The following CENPE variants were observed in gnomAD, a reference collection of about 807,000 sequenced individuals.
CENPE encodes the protein centromere protein E.
CENPE carries 145 observed loss-of-function variants against 336.1 expected under a neutral mutation model. That is an observed-to-expected ratio of 0.43 (90% CI 0.38 to 0.50). The LOEUF (loss-of-function observed/expected upper bound fraction) is 0.50, where lower values mean the gene tolerates loss of function less well. CENPE is among the 20% of genes least tolerant of loss of function. The pLI is 0.00. For synonymous variants in CENPE, 1,013 were observed against 984.8 expected, an observed-to-expected ratio of 1.03 and a Z score of -0.54; for missense variants, 2,719 against 3,023.3, an observed-to-expected ratio of 0.90 and a Z score of 2.36.
At chr4:103,110,730 A>C (rs1749329548) in intron 47 of CENPE, 98 bp downstream of exon 47, 1 of 778,272 alleles carries the variant, frequency 1.3e-6, no homozygotes, top group Middle Eastern at 4.1e-4. Context: ...ATAATGACTG[A>C]AGTGTTACCA....
chr4:103,175,647 C>G (rs17283077), intron 15 of CENPE, among the ~76,000 whole-genome samples: 25,501 of 152,018 alleles, frequency 0.17, 2,265 homozygotes, highest in South Asian at 0.31. Context: ...AGAATTGACA[C>G]TTTTAAAATC....
intron 39 of CENPE, among the ~76,000 whole-genome samples, chr4:103,137,745 A>G (rs760933721): frequency 6.6e-6 from 1 of 152,192 alleles, no homozygotes; most frequent in Non-Finnish European, 1.5e-5. Flanking sequence ...TCTCTGGGCC[A>G]GGCCAGGATG....
At chr4:103,124,698 C>T (rs1750939733) in intron 42 of CENPE, among the ~76,000 whole-genome samples, 2 of 152,188 alleles carry the variant, frequency 1.3e-5, no homozygotes, top group Admixed American at 1.3e-4. Flanking sequence ...ATCTTTTTTA[C>T]TTCCTAATTC....
chr4:103,136,356 G>T lies in CENPE; in HGVS notation c.6307C>A (p.Leu2103Ile), dbSNP rs756008212. The stretch of plus-strand genomic sequence containing the variant: ...TCCATCTCTGAGTATCTCTTCAAAA[G>T]CTCCTAAAGGAAATGAGAATTCACT... ...LREKCSRIKE[L>I]LKRYSEMDDH... is the part of the protein sequence containing the mutation. The change falls in exon 40 of 49, where the codon CTT (leucine) becomes ATT (isoleucine). Residue 2103 changes from leucine (L) to isoleucine (I), a missense_variant. Leu to Ile is a conservative substitution (Grantham distance 5, BLOSUM62 2). Coordinates refer to ENST00000265148, the MANE Select transcript of CENPE (RefSeq NM_001813.3). 13 of 1,596,694 alleles carry T rather than the reference G, an allele frequency of 8.1e-6. No homozygotes were observed. Among genetic ancestry groups the T allele is most frequent in the Non-Finnish European group, 1.1e-5 (13 of 1,170,952 alleles).
chr4:103,144,952 A>G, intron 32 of CENPE, 98 bp downstream of exon 32: 1 of 1,150,222 alleles, frequency 8.7e-7, no homozygotes, highest in African/African-American at 1.6e-5. Flanking sequence ...TCCCTTTATG[A>G]TTAGAGGAAA....
chr4:103,144,074 C>T lies in CENPE; in HGVS notation c.5145+257G>A, dbSNP rs892058193. 2.0e-5 allele frequency among the ~76,000 whole-genome samples: 3 copies of T among 152,118 alleles called. No homozygotes were observed. The South Asian group carries it at 6.2e-4, about 32-fold the overall frequency. On this transcript the variant is annotated intron_variant, in intron 33 of 48. Transcript: ENST00000265148. ...GTCTCAGCCTCCCAAGTAGCTGGGA[C>T]TACAGGCGCCCACCACCACGCCTGC...
intron 35 of CENPE, 41 bp from the exon 36 acceptor site, chr4:103,141,145 G>C: frequency 8.5e-7 from 1 of 1,173,970 alleles, no homozygotes. Context: ...TGGCTTTTTA[G>C]GGACAGATAA....
intron 39 of CENPE, 63 bp downstream of exon 39, chr4:103,138,288 G>C: frequency 9.1e-7 from 1 of 1,102,818 alleles, no homozygotes; most frequent in Non-Finnish European, 1.4e-6. Context: ...TCCCACTTCA[G>C]GTTTCGGTAA....
intron 14 of CENPE, among the ~76,000 whole-genome samples, chr4:103,176,574 T>G (rs1459911037): frequency 1.3e-5 from 2 of 152,158 alleles, no homozygotes; most frequent in Non-Finnish European, 2.9e-5. Context: ...TTTATTTATA[T>G]TTGTTTGAGA....
rs114201574 is a variant in CENPE at position 103,126,840 on chromosome 4, A to G, written c.6925-3751T>C. On this transcript the variant is annotated intron_variant, in intron 42 of 48. Coordinates refer to ENST00000265148, the MANE Select transcript of CENPE (RefSeq NM_001813.3). ...CAGACTGGCTGAAGAAAGAAACTCA[A>G]CTTGGAAATATGACAATGGAAACTT... 4.6e-3 allele frequency among the ~76,000 whole-genome samples: 707 copies of G among 152,274 alleles called. 9 individuals carry two copies. Among genetic ancestry groups the G allele is most frequent in the African/African-American group, 0.017 (690 of 41,566 alleles).
Position 103,145,688 on chromosome 4 carries a change from T to G in CENPE, c.4414-7A>C. 1 of 1,568,522 alleles carries G rather than the reference T, an allele frequency of 6.4e-7. No individual in the cohort carries two copies. Among genetic ancestry groups the G allele is most frequent in the Non-Finnish European group, 8.6e-7 (1 of 1,165,840 alleles). ...CCTCTTCAGTTTCCAGGTGCTTTAT[T>G]ATTAGAGGAAATTCCAATAAATTTA... is the stretch of plus-strand genomic sequence containing the variant. On this transcript the variant is annotated splice_region_variant and splice_polypyrimidine_tract_variant and intron_variant, in intron 30 of 48. Coordinates refer to ENST00000265148, the MANE Select transcript of CENPE (RefSeq NM_001813.3).
At chr4:103,179,622 T>C (rs1000532060) in intron 13 of CENPE, among the ~76,000 whole-genome samples, 1 of 152,226 alleles carries the variant, frequency 6.6e-6, no homozygotes, top group Non-Finnish European at 1.5e-5. Context: ...GAGCTAATTC[T>C]ACCTATTATC....
intron 11 of CENPE, among the ~76,000 whole-genome samples, chr4:103,182,301 G>A (rs1002915860): frequency 5.9e-5 from 9 of 152,060 alleles, no homozygotes; most frequent in African/African-American, 2.2e-4. Flanking sequence ...ATGTTGGTCA[G>A]GCTGGTTCCT....
At chr4:103,186,076 G>C (rs1756743065) in intron 8 of CENPE, among the ~76,000 whole-genome samples, 1 of 151,926 alleles carries the variant, frequency 6.6e-6, no homozygotes, top group South Asian at 2.1e-4. Context: ...ACCAGTATAG[G>C]TTCTGTTTCC....
chr4:103,191,934 A>T (rs957701201), intron 8 of CENPE, among the ~76,000 whole-genome samples: 2 of 152,090 alleles, frequency 1.3e-5, no homozygotes, highest in African/African-American at 4.8e-5. Context: ...GAGCAGCTGC[A>T]GGCAGCCCCA....
At chr4:103,151,963 A>T (rs576046210) in intron 25 of CENPE, among the ~76,000 whole-genome samples, 98 of 152,318 alleles carry the variant, frequency 6.4e-4, no homozygotes, top group Non-Finnish European at 1.2e-3. Flanking sequence ...AAACTTATAA[A>T]ATTAAAACAA....
In CENPE at chr4:103,174,006, C is replaced by T. The variant is rs147586770; in HGVS notation, c.1647+730G>A. ...CAGCAGTCCTACTACTGGGCATGTA[C>T]CCAAAGGAACTTAAATGAGTATGTT... On this transcript the variant is annotated intron_variant, in intron 16 of 48. Coordinates refer to ENST00000265148, the MANE Select transcript of CENPE (RefSeq NM_001813.3). Among the ~76,000 whole-genome samples, 14 of 151,896 alleles carry T rather than the reference C, an allele frequency of 9.2e-5. No individual in the cohort carries two copies. In the East Asian group the frequency reaches 2.3e-3, roughly 25 times the overall value.
Position 103,143,661 on chromosome 4 carries a change from C to T in CENPE, c.5146-255G>A, listed in dbSNP as rs575440131. 2.0e-5 allele frequency among the ~76,000 whole-genome samples: 3 copies of T among 152,280 alleles called. No homozygotes were observed. In the East Asian group the frequency reaches 5.8e-4, roughly 29 times the overall value. ...ATTTTTTATTTGTGGCATAGAATTCCATGACGTGAATGTGCTGCACTTATT... is the reference window on the plus strand; with the variant it reads ...ATTTTTTATTTGTGGCATAGAATTCTATGACGTGAATGTGCTGCACTTATT... On this transcript the variant is annotated intron_variant, in intron 33 of 48. Transcript: ENST00000265148.
Position 103,106,020 on chromosome 4 carries a change from C to CA in CENPE, c.*201dup. 5.4e-6 allele frequency: 2 copies of CA among 370,296 alleles called. No homozygotes were observed. The highest frequency in any genetic ancestry group is 9.6e-6 in the Non-Finnish European group (2 of 208,008). The allele number at this position is 370,296 out of a possible 1,614,324, so 22.9% of individuals were successfully genotyped here. A position where few individuals can be genotyped will look rare whatever the true frequency, so the allele number is the denominator to read the frequency against. ...CAACTTTTAAAAGTATTACCATATG[C>CA]AAGAAGAAGGTATTGCTATCACCAT... On this transcript the variant is annotated 3_prime_UTR_variant, in exon 49 of 49. Coordinates refer to ENST00000265148, the MANE Select transcript of CENPE (RefSeq NM_001813.3).
Sources: gnomAD v4.1 joint callset for allele counts (sites outside exome capture counted in the v4.1 genomes callset) on GRCh38, gnomAD v4.1.1 for gene constraint, MANE v1.5 for transcripts, NCBI Gene and HGNC (gene_info 2026-07-23, HGNC 2026-07-21) for gene names.